USP9X: variants seen among roughly 807,000 people sequenced by gnomAD.
USP9X encodes ubiquitin carboxyl-terminal hydrolase 9X.
USP9X carries 7 observed loss-of-function variants against 190.3 expected under a neutral mutation model. That is an observed-to-expected ratio of 0.04 (90% CI 0.02 to 0.07). USP9X has a LOEUF of 0.07. USP9X is among the 10% of genes least tolerant of loss of function. The probability of loss-of-function intolerance (pLI) is 1.00; values close to 1 mark genes in which losing one functional copy is unlikely to be tolerated. For missense variants in USP9X, 1,010 were observed against 1,916.9 expected (o/e 0.53, Z 8.83); for synonymous variants, 645 against 659.5 (o/e 0.98, Z 0.34).
At chrX:41,148,851 G>A (rs1034040193) in intron 12 of USP9X, among the ~76,000 whole-genome samples, 5 of 111,745 alleles carry the variant, frequency 4.5e-5, no homozygotes, top group Non-Finnish European at 9.4e-5. Flanking sequence ...ATGCCGTTTC[G>A]AATAGAATTC....
chrX:41,094,178 T>TTTTTTC (rs2146916817), intron 1 of USP9X, among the ~76,000 whole-genome samples: 1 of 51,734 alleles, frequency 1.9e-5, no homozygotes, highest in Admixed American at 2.2e-4. Flanking sequence ...GGTGTATTTC[T>TTTTTTC]TTTTTCTTTT....
intron 1 of USP9X, among the ~76,000 whole-genome samples, chrX:41,096,897 A>T (rs1196937458): frequency 8.9e-6 from 1 of 112,350 alleles, no homozygotes; most frequent in Admixed American, 9.5e-5. Context: ...ATTCCTAAAG[A>T]TGTGGAAAAA....
chrX:41,091,296 C>T (rs774404929), intron 1 of USP9X, among the ~76,000 whole-genome samples: 4 of 111,814 alleles, frequency 3.6e-5, no homozygotes, highest in Non-Finnish European at 7.5e-5. Flanking sequence ...TTTTGGAATT[C>T]TTGGCATACT....
intron 34 of USP9X, 78 bp from the exon 35 acceptor site, chrX:41,215,821 A>G: frequency 9.7e-7 from 1 of 1,035,625 alleles, no homozygotes; most frequent in Non-Finnish European, 1.3e-6. Context: ...AATATCATTT[A>G]AAAGTTTGCT....
At chrX:41,125,758 GCTTA>G (rs759318931) in intron 2 of USP9X, among the ~76,000 whole-genome samples, 16 of 97,064 alleles carry the variant, frequency 1.6e-4, no homozygotes, top group African/African-American at 5.9e-4. Flanking sequence ...TGTTCCTTTT[GCTTA>G]CTTTGGATTT....
chrX:41,204,663 G>A (rs2063074432), intron 31 of USP9X, among the ~76,000 whole-genome samples: 2 of 111,427 alleles, frequency 1.8e-5, no homozygotes, highest in African/African-American at 3.3e-5. Flanking sequence ...TATTTTTACT[G>A]TACCTTTTCT....
At chrX:41,171,358 C>T (rs1356335626) in intron 20 of USP9X, among the ~76,000 whole-genome samples, 1 of 111,720 alleles carries the variant, frequency 9.0e-6, no homozygotes, top group African/African-American at 3.3e-5. Context: ...TAAATGAAAA[C>T]AAGAACTATG....
At chrX:41,114,816 G>A (rs150624417) in intron 1 of USP9X, among the ~76,000 whole-genome samples, 1 of 110,158 alleles carries the variant, frequency 9.1e-6, no homozygotes, top group Non-Finnish European at 1.9e-5. Flanking sequence ...TTGCTTTATT[G>A]TAAGAATACA....
intron 16 of USP9X, 61 bp from the exon 17 acceptor site, chrX:41,167,421 T>A: frequency 6.2e-6 from 6 of 968,597 alleles, no homozygotes; most frequent in Non-Finnish European, 8.7e-6. Flanking sequence ...TGGTTTGAAT[T>A]TAAATGCCCA....
At chrX:41,113,325 C>T (rs927291685) in intron 1 of USP9X, among the ~76,000 whole-genome samples, 9 of 110,882 alleles carry the variant, frequency 8.1e-5, no homozygotes, top group Non-Finnish European at 1.7e-4. Flanking sequence ...CTCAGCCTCC[C>T]GAGTAGCTGG....
At chrX:41,155,126 T>C (rs2062565423) in intron 14 of USP9X, among the ~76,000 whole-genome samples, 1 of 111,926 alleles carries the variant, frequency 8.9e-6, no homozygotes, top group African/African-American at 3.2e-5. Context: ...TATTCTCAAT[T>C]TCTGATAACC....
chrX:41,146,508 A>G (rs182492133), intron 11 of USP9X, among the ~76,000 whole-genome samples: 68 of 111,763 alleles, frequency 6.1e-4, no homozygotes, highest in African/African-American at 2.1e-3. Context: ...TAAGTTTCAT[A>G]TCTTTGCCAG....
At chrX:41,227,794 G>A (rs2063327289) in intron 41 of USP9X, among the ~76,000 whole-genome samples, 1 of 110,049 alleles carries the variant, frequency 9.1e-6, no homozygotes, top group African/African-American at 3.3e-5. Context: ...TCCGCCTCCC[G>A]GGTTTACGCC....
At chrX:41,110,985 T>C (rs1254422958) in intron 1 of USP9X, among the ~76,000 whole-genome samples, 2 of 111,578 alleles carry the variant, frequency 1.8e-5, no homozygotes, top group Non-Finnish European at 3.8e-5. Flanking sequence ...GGACACATCA[T>C]GAAAGAAGAA....
At chrX:41,117,776 G>A (rs2062161572) in intron 1 of USP9X, among the ~76,000 whole-genome samples, 1 of 108,394 alleles carries the variant, frequency 9.2e-6, no homozygotes, top group Admixed American at 9.9e-5. Flanking sequence ...AGCCAGGATG[G>A]TCTCAATCTC....
intron 1 of USP9X, among the ~76,000 whole-genome samples, chrX:41,095,479 C>G (rs1171109783): frequency 8.9e-6 from 1 of 112,346 alleles, no homozygotes; most frequent in East Asian, 2.8e-4. Flanking sequence ...CTACCCCACT[C>G]ATATGTCTTC....
rs761048421 is a variant in USP9X, at chrX:41,232,303, A to G, written c.7528-84A>G. 5.7e-5 allele frequency: 59 copies of G among 1,038,031 alleles called. 1 individual carries two copies. In the Admixed American group the frequency reaches 6.4e-4, roughly 11 times the overall value. 85.5% of individuals were successfully genotyped at this position (1,038,031 alleles called of 1,213,427 possible). A position where few individuals can be genotyped will look rare whatever the true frequency, so the allele number is the denominator to read the frequency against. On this transcript the variant is annotated intron_variant, in intron 44 of 44. Transcript: ENST00000378308. ...GTAAGTCCCAAGAATAAGAGTATAC[A>G]TTTCCAGAGACTTCAGACCATGATT... is the stretch of plus-strand genomic sequence containing the variant.
intron 14 of USP9X, among the ~76,000 whole-genome samples, chrX:41,159,106 G>A (rs2062605348): frequency 9.0e-6 from 1 of 111,637 alleles, no homozygotes; most frequent in Non-Finnish European, 1.9e-5. Context: ...GCAAGAAAAA[G>A]AAGTAGACAA....
chrX:41,136,312 C>T (rs1193206256), intron 5 of USP9X, among the ~76,000 whole-genome samples: 1 of 111,728 alleles, frequency 9.0e-6, no homozygotes, highest in Non-Finnish European at 1.9e-5. Flanking sequence ...AGGCACATGC[C>T]AGCACACGTG....
Sources: allele counts gnomAD v4.1 joint callset (sites outside exome capture counted in the v4.1 genomes callset), GRCh38; gene constraint gnomAD v4.1.1; transcripts MANE v1.5; gene names NCBI Gene and HGNC (gene_info 2026-07-23, HGNC 2026-07-21).